Variants in TRAP1 observed in about 807,000 individuals in gnomAD.
TRAP1 encodes TNF receptor associated protein 1, also known as heat shock protein 75 kDa, mitochondrial.
A neutral mutation model predicts 89.1 loss-of-function variants in TRAP1; 102 were observed. That is an observed-to-expected ratio of 1.15 (90% CI 0.98 to 1.35). TRAP1 has a LOEUF of 1.35. Among genes scored for constraint, TRAP1 ranks in the 40% most tolerant of loss-of-function variants. TRAP1 has a pLI of 0.00. For synonymous variants in TRAP1, 508 were observed against 388.0 expected (o/e 1.31, Z -3.64); for missense variants, 1,256 against 945.3 (o/e 1.33, Z -4.31).
At chr16:3,686,451 G>A (rs1044794347) in intron 3 of TRAP1, among the ~76,000 whole-genome samples, 1 of 152,026 alleles carries the variant, frequency 6.6e-6, no homozygotes, top group East Asian at 1.9e-4. Flanking sequence ...CTAAGTAGCT[G>A]GGCCCACAGG....
At chr16:3,706,964 T>C (rs1243918087) in intron 1 of TRAP1, among the ~76,000 whole-genome samples, 2 of 152,020 alleles carry the variant, frequency 1.3e-5, no homozygotes, top group African/African-American at 4.8e-5. Context: ...CCTGCAGAGG[T>C]CGCACCGTTT....
chr16:3,697,663 CA>C (rs563704469), intron 1 of TRAP1, among the ~76,000 whole-genome samples: 233 of 101,392 alleles, frequency 2.3e-3, no homozygotes, highest in East Asian at 5.9e-3. Context: ...GACTCTGTCT[CA>C]AAAAAAAAAA....
intron 11 of TRAP1, 74 bp downstream of exon 11, chr16:3,671,648 G>A: frequency 6.6e-7 from 1 of 1,522,074 alleles, no homozygotes; most frequent in Non-Finnish European, 9.0e-7. Context: ...CCACGGCTAG[G>A]GCCCTCTGGG....
At chr16:3,706,492 G>C (rs1299008754) in intron 1 of TRAP1, among the ~76,000 whole-genome samples, 1 of 98,376 alleles carries the variant, frequency 1.0e-5, no homozygotes, top group Non-Finnish European at 2.0e-5. Context: ...ATAGGTTCTT[G>C]CTCTTTGACC....
chr16:3,663,730 C>T lies in TRAP1; in HGVS notation c.1570-168G>A, dbSNP rs1298863948. On this transcript the variant is annotated intron_variant, in intron 13 of 17. Coordinates refer to ENST00000246957, the MANE Select transcript of TRAP1 (RefSeq NM_016292.3). ...ATGACAGTTACTACGACACCTGGGT[C>T]TAAGGAAGGCTCTGACTGCCTTCAA... The T allele has an allele frequency of 7.9e-6, 6 of 763,018 alleles. No homozygotes were observed. In the African/African-American group the frequency reaches 1.1e-4, roughly 13 times the overall value. 47.3% of individuals were successfully genotyped at this position (763,018 alleles called of 1,614,324 possible). A position where few individuals can be genotyped will look rare whatever the true frequency, so the allele number is the denominator to read the frequency against.
chr16:3,716,942 G>A (rs569622685), intron 1 of TRAP1, among the ~76,000 whole-genome samples: 1 of 152,342 alleles, frequency 6.6e-6, no homozygotes, highest in Non-Finnish European at 1.5e-5. Flanking sequence ...TCACATGTGC[G>A]TCCAATGAAC....
intron 9 of TRAP1, 61 bp from the exon 10 acceptor site, chr16:3,672,881 G>A (rs892692369): frequency 4.5e-6 from 7 of 1,556,466 alleles, no homozygotes; most frequent in Non-Finnish European, 5.2e-6. Flanking sequence ...GGCCCTGGCT[G>A]GGAGGTGGGG....
chr16:3,690,889 TG>T lies in TRAP1; in HGVS notation c.184del (p.Gln62ArgfsTer55), dbSNP rs1428434803. Reference protein sequence around the residue: ...SLQAGRLFSTQTAEDKEEPLH... With the variant: ...SLQAGRLFSTXTAEDKEEPLH... The stretch of plus-strand genomic sequence containing the variant: ...GGGTTCCTCCTTGTCCTCGGCGGTC[TG>T]CGTGCTGAACAGTCGTCCTGCCTGC... On this transcript the variant is annotated frameshift_variant, in exon 2 of 18. Transcript: ENST00000246957. LOFTEE classifies it high-confidence loss of function. 1 of 1,590,084 alleles carries T rather than the reference TG, an allele frequency of 6.3e-7. No homozygotes were observed. Among genetic ancestry groups the T allele is most frequent in the African/African-American group, 1.4e-5 (1 of 73,480 alleles).
At chr16:3,694,028 T>C (rs1301468477) in intron 1 of TRAP1, among the ~76,000 whole-genome samples, 1 of 149,600 alleles carries the variant, frequency 6.7e-6, no homozygotes, top group Non-Finnish European at 1.5e-5. Flanking sequence ...GGTCCCAGGT[T>C]CTGGGCAGCG....
rs531966805 is a variant in TRAP1 at position 3,697,741 on chromosome 16, T to C, written c.89-6756A>G. On this transcript the variant is annotated intron_variant, in intron 1 of 17. Coordinates refer to ENST00000246957, the MANE Select transcript of TRAP1 (RefSeq NM_016292.3). Reference sequence around the variant, plus strand: ...TCTAAGATTAAACATGATTTCCCCATGTTTCATTTTTCTAGTCTTTTTGGT... The same window carrying C: ...TCTAAGATTAAACATGATTTCCCCACGTTTCATTTTTCTAGTCTTTTTGGT... Among the ~76,000 whole-genome samples the C allele has an allele frequency of 6.6e-5, 10 of 150,996 alleles. No homozygotes were observed. In the East Asian group the frequency reaches 1.7e-3, roughly 26 times the overall value.
At chr16:3,680,054 A>C (rs2051054528) in intron 4 of TRAP1, 1 of 360,148 alleles carries the variant, frequency 2.8e-6, no homozygotes, top group Non-Finnish European at 5.3e-6. Context: ...ACATGGTAAA[A>C]CCCCATCTCT....
chr16:3,701,375 C>A (rs2051362313), intron 1 of TRAP1, among the ~76,000 whole-genome samples: 1 of 152,008 alleles, frequency 6.6e-6, no homozygotes, highest in Non-Finnish European at 1.5e-5. Context: ...CTCTCAATAA[C>A]TGACAGAATC....
rs139100826 is a variant in TRAP1 at position 3,680,119 on chromosome 16, C to A, written c.472-329G>T. 581 of 223,898 alleles carry A rather than the reference C, an allele frequency of 2.6e-3. 3 individuals are homozygous for A. Among genetic ancestry groups the A allele is most frequent in the African/African-American group, 0.012 (551 of 44,926 alleles). 13.9% of individuals were successfully genotyped at this position (223,898 alleles called of 1,614,324 possible). Reference sequence around the variant, plus strand: ...GCGAGCACCTGTGGTTCCAGCTACTCGGAGGCTGAGGCAGGAAAATTGCTT... The same window carrying A: ...GCGAGCACCTGTGGTTCCAGCTACTAGGAGGCTGAGGCAGGAAAATTGCTT... On this transcript the variant is annotated intron_variant, in intron 4 of 17. Transcript: ENST00000246957.
intron 17 of TRAP1, 24 bp from the exon 18 acceptor site, chr16:3,658,254 A>G (rs1316389056): frequency 6.3e-7 from 1 of 1,575,180 alleles, no homozygotes; most frequent in Non-Finnish European, 8.7e-7. Context: ...GGAGAAACCC[A>G]TTATGAGGGG....
At chr16:3,705,530 G>A (rs954368301) in intron 1 of TRAP1, among the ~76,000 whole-genome samples, 3 of 152,146 alleles carry the variant, frequency 2.0e-5, no homozygotes, top group African/African-American at 7.2e-5. Context: ...ACAATATATG[G>A]TTTTTTGTCT....
intron 1 of TRAP1, 74 bp downstream of exon 1, chr16:3,717,347 C>A (rs928703736): frequency 3.7e-5 from 22 of 594,464 alleles, no homozygotes; most frequent in Non-Finnish European, 4.9e-5. Flanking sequence ...GCCTCGCTCC[C>A]CGGAGCACAG....
At chr16:3,712,322 T>G (rs978728316) in intron 1 of TRAP1, among the ~76,000 whole-genome samples, 5 of 110,560 alleles carry the variant, frequency 4.5e-5, no homozygotes, top group African/African-American at 1.3e-4. Context: ...AAAAAAAAGA[T>G]ATGTCAGCAT....
chr16:3,660,739 A>G (rs916638786), intron 16 of TRAP1: 1 of 152,180 alleles, frequency 6.6e-6, no homozygotes, highest in Non-Finnish European at 1.5e-5. Context: ...TGACAAAAGA[A>G]AAAAACTAGA....
chr16:3,699,838 CT>C (rs60766205), intron 1 of TRAP1, among the ~76,000 whole-genome samples: 14,989 of 136,148 alleles, frequency 0.11, 2,057 homozygotes, highest in African/African-American at 0.34. Flanking sequence ...GGACTAAATT[CT>C]TTTTTTTTTT....
Sources: allele counts gnomAD v4.1 joint callset (sites outside exome capture counted in the v4.1 genomes callset), GRCh38; gene constraint gnomAD v4.1.1; transcripts MANE v1.5; gene names NCBI Gene and HGNC (gene_info 2026-07-23, HGNC 2026-07-21).